MICU2: variants seen among roughly 807,000 people sequenced by gnomAD.
MICU2 encodes the protein calcium uptake protein 2, mitochondrial.
Under a neutral mutation model 60.4 loss-of-function variants are expected in MICU2, and 64 were observed. The observed-to-expected ratio is 1.06, with a 90% confidence interval of 0.87 to 1.31. The LOEUF is 1.31. Ranked by LOEUF, MICU2 falls within the 50% of genes most tolerant of loss-of-function variation. MICU2 has a pLI of 0.00. For synonymous variants in MICU2, 201 were observed against 175.0 expected, an observed-to-expected ratio of 1.15 and a Z score of -1.17; for missense variants, 569 against 531.0, an observed-to-expected ratio of 1.07 and a Z score of -0.70.
chr13:21,573,620 A>G (rs569417431), intron 1 of MICU2, among the ~76,000 whole-genome samples: 84 of 152,148 alleles, frequency 5.5e-4, no homozygotes, highest in African/African-American at 1.9e-3. Flanking sequence ...ATCCTAGAGG[A>G]CCTCAGGGGA....
chr13:21,549,181 G>T (rs893247463), intron 2 of MICU2, among the ~76,000 whole-genome samples: 5 of 151,874 alleles, frequency 3.3e-5, no homozygotes, highest in African/African-American at 9.7e-5. Context: ...CGCCCGCCTT[G>T]GCCTCCCAAC....
At position 21,593,583 on chromosome 13, in the gene MICU2, A is replaced by AC. The variant is rs1406588158; in HGVS notation, c.210+10355_210+10356insG. Among the ~76,000 whole-genome samples the AC allele has an allele frequency of 4.0e-5, 6 of 149,988 alleles. 1 individual carries two copies. In the East Asian group the frequency reaches 7.8e-4, roughly 19 times the overall value. On this transcript the variant is annotated intron_variant, in intron 1 of 11. Transcript: ENST00000382374. The stretch of plus-strand genomic sequence containing the variant: ...AGACAATCCTAAGCAAAAAAAAAAA[A>AC]AAAAAAAAAAACAAAGCTGGAGGCA...
At chr13:21,561,486 T>C (rs898228237) in intron 2 of MICU2, among the ~76,000 whole-genome samples, 5 of 152,060 alleles carry the variant, frequency 3.3e-5, no homozygotes, top group Non-Finnish European at 4.4e-5. Context: ...TGCCCTGTTG[T>C]TAGGTATACA....
At chr13:21,577,732 G>A (rs773843488) in intron 1 of MICU2, among the ~76,000 whole-genome samples, 3 of 149,940 alleles carry the variant, frequency 2.0e-5, no homozygotes, top group Non-Finnish European at 2.9e-5. Context: ...TTGAACCCGG[G>A]AGACAGAGGT....
At chr13:21,502,664 T>TG (rs1292250300) in intron 9 of MICU2, among the ~76,000 whole-genome samples, 2 of 152,202 alleles carry the variant, frequency 1.3e-5, no homozygotes, top group Non-Finnish European at 2.9e-5. Flanking sequence ...GGTTAAGATT[T>TG]ACAGAGTGAT....
intron 1 of MICU2, among the ~76,000 whole-genome samples, chr13:21,598,647 C>T (rs192456498): frequency 2.7e-4 from 41 of 151,918 alleles, no homozygotes; most frequent in African/African-American, 8.9e-4. Flanking sequence ...ACCCGGGAGG[C>T]GGAGGTTGCA....
intron 4 of MICU2, among the ~76,000 whole-genome samples, chr13:21,528,486 C>T (rs748357556): frequency 4.6e-5 from 7 of 152,162 alleles, no homozygotes; most frequent in Non-Finnish European, 1.0e-4. Flanking sequence ...CACTTGTAAG[C>T]ACTTTTTTCC....
In MICU2 at chr13:21,528,209, G is replaced by A. The variant is rs145544213; in HGVS notation, c.467-5559C>T. Among the ~76,000 whole-genome samples, 1,352 of 152,148 alleles carry A rather than the reference G, an allele frequency of 8.9e-3. 15 individuals carry two copies. The highest frequency in any genetic ancestry group is 0.045 in the Middle Eastern group (13 of 292). On this transcript the variant is annotated intron_variant, in intron 4 of 11. Transcript: ENST00000382374. Reference sequence around the variant, plus strand: ...GAATGTACTACCTTTTGCTAGTTACGATAGAGTATAAATTTTGATAGTTCT... The same window carrying A: ...GAATGTACTACCTTTTGCTAGTTACAATAGAGTATAAATTTTGATAGTTCT...
Position 21,493,363 on chromosome 13 carries a change from G to GA in MICU2, c.1201-11dup, listed in dbSNP as rs763665332. On this transcript the variant is annotated splice_polypyrimidine_tract_variant and intron_variant, in intron 11 of 11. Coordinates refer to ENST00000382374, the MANE Select transcript of MICU2 (RefSeq NM_152726.3). ...TCTGATGTTGTGGTACCTGTTAACC[G>GA]AAAGTAAAAATCAAGGGGTCATTGT... 1 of 1,576,156 alleles carries GA rather than the reference G, an allele frequency of 6.3e-7. No homozygotes were observed. The highest frequency in any genetic ancestry group is 1.2e-5 in the South Asian group (1 of 84,832).
In MICU2 at chr13:21,496,157, T is replaced by C. The variant is rs1470241770; in HGVS notation, c.937A>G (p.Ile313Val). Reference protein sequence around the residue: ...VREKLSAGESISLDEFKSFCH... With the variant: ...VREKLSAGESVSLDEFKSFCH... ...AATGACTTGAATTCATCCAAACTAA[T>C]GCTCTAATAAAGTAAGAGTTTTTAT... The change falls in exon 10 of 12, where the codon ATT (isoleucine) becomes GTT (valine). Residue 313 changes from isoleucine to valine, a missense_variant. By Grantham distance (29) the Ile-to-Val change is conservative. Transcript: ENST00000382374. The C allele has an allele frequency of 1.2e-6, 2 of 1,609,040 alleles. No homozygotes were observed. Among genetic ancestry groups the C allele is most frequent in the Non-Finnish European group, 1.7e-6 (2 of 1,176,728 alleles).
chr13:21,500,294 A>C (rs1050135272), intron 9 of MICU2, among the ~76,000 whole-genome samples: 1 of 152,206 alleles, frequency 6.6e-6, no homozygotes, highest in African/African-American at 2.4e-5. Flanking sequence ...GTGCAGGCTA[A>C]CCTGCAAAGG....
intron 6 of MICU2, among the ~76,000 whole-genome samples, chr13:21,515,244 G>A (rs1452035790): frequency 6.6e-6 from 1 of 151,604 alleles, no homozygotes; most frequent in South Asian, 2.1e-4. Context: ...ACCATGCCTG[G>A]CTAATTTTTT....
At chr13:21,513,074 G>A (rs1160692752) in intron 7 of MICU2, among the ~76,000 whole-genome samples, 2 of 151,784 alleles carry the variant, frequency 1.3e-5, no homozygotes, top group Non-Finnish European at 2.9e-5. Flanking sequence ...CATTTTTCTT[G>A]TACCTAGTCA....
intron 1 of MICU2, among the ~76,000 whole-genome samples, chr13:21,596,956 A>C (rs899424260): frequency 3.3e-5 from 5 of 152,230 alleles, no homozygotes; most frequent in Non-Finnish European, 5.9e-5. Context: ...TTTAAAAATA[A>C]TTTAATTGGC....
In MICU2 at chr13:21,502,994, A is replaced by G. The variant is rs1886214405; in HGVS notation, c.865T>C (p.Phe289Leu). 1.2e-6 allele frequency: 2 copies of G among 1,611,468 alleles called. No homozygotes were observed. Among genetic ancestry groups the G allele is most frequent in the Non-Finnish European group, 1.7e-6 (2 of 1,179,284 alleles). ...TCTTTATTTTCAGTGTTAGTGAAAA[A>G]AAGTAGCCACTCTGCAAAGTCTTCT... Reference protein sequence around the residue: ...RKEDFAEWLLFFTNTENKDIY... With the variant: ...RKEDFAEWLLLFTNTENKDIY... The change falls in exon 9 of 12, where the codon TTT (phenylalanine) becomes CTT (leucine). Residue 289 changes from phenylalanine to leucine, a missense_variant. Coordinates refer to ENST00000382374, the MANE Select transcript of MICU2 (RefSeq NM_152726.3).
At chr13:21,550,529 C>T (rs766512429) in intron 2 of MICU2, among the ~76,000 whole-genome samples, 35 of 152,152 alleles carry the variant, frequency 2.3e-4, no homozygotes, top group African/African-American at 6.5e-4. Context: ...CAGAGTAAGA[C>T]GCTATCTCTT....
Position 21,514,536 on chromosome 13 carries a change from ACTT to A in MICU2, c.598-121_598-119del, listed in dbSNP as rs972475429. On this transcript the variant is annotated intron_variant, in intron 6 of 11. Transcript: ENST00000382374. ...TATACTAGTTATTTGCTAAATATTA[ACTT>A]CTTTTTTTTTTTGAGATGGAGTCTT... is the stretch of plus-strand genomic sequence containing the variant. 134 of 691,474 alleles carry A rather than the reference ACTT, an allele frequency of 1.9e-4. 1 individual carries two copies. Among genetic ancestry groups the A allele is most frequent in the Admixed American group, 1.4e-4 (5 of 34,622 alleles). The allele number at this position is 691,474 out of a possible 1,614,324, so 42.8% of individuals were successfully genotyped here. A position where few individuals can be genotyped will look rare whatever the true frequency, so the allele number is the denominator to read the frequency against.
intron 1 of MICU2, among the ~76,000 whole-genome samples, chr13:21,578,588 C>T (rs1888278613): frequency 6.6e-6 from 1 of 151,206 alleles, no homozygotes; most frequent in African/African-American, 2.4e-5. Context: ...CAGAGTGAGA[C>T]CACATCTCAA....
intron 1 of MICU2, among the ~76,000 whole-genome samples, chr13:21,571,469 G>A (rs1963168): frequency 0.41 from 61,702 of 152,060 alleles, 13,284 homozygotes; most frequent in East Asian, 0.66. Flanking sequence ...AGGCCGAGAT[G>A]GGTGGATCAC....
Sources: gnomAD v4.1 joint callset for allele counts (sites outside exome capture counted in the v4.1 genomes callset) on GRCh38, gnomAD v4.1.1 for gene constraint, MANE v1.5 for transcripts, NCBI Gene and HGNC (gene_info 2026-07-23, HGNC 2026-07-21) for gene names.